Variants in KIFAP3 observed in about 807,000 individuals in gnomAD.
KIFAP3 encodes kinesin-associated protein 3.
A neutral mutation model predicts 106.5 loss-of-function variants in KIFAP3; 68 were observed. The ratio of observed to expected loss-of-function variants is 0.64; its 90% confidence interval spans 0.53 to 0.78. The LOEUF is 0.78. KIFAP3 is among the 30% of genes least tolerant of loss of function. KIFAP3 has a pLI of 0.00. For synonymous variants in KIFAP3, 320 were observed against 311.5 expected (o/e 1.03, Z -0.29); for missense variants, 780 against 941.8 (o/e 0.83, Z 2.25).
intron 1 of KIFAP3, among the ~76,000 whole-genome samples, chr1:170,081,920 T>C (rs897890857): frequency 6.6e-6 from 1 of 152,160 alleles, no homozygotes; most frequent in African/African-American, 2.4e-5. Context: ...ACCATAATGA[T>C]TAATATTAAA....
intron 18 of KIFAP3, among the ~76,000 whole-genome samples, chr1:169,959,544 A>C (rs900928575): frequency 6.6e-6 from 1 of 152,250 alleles, no homozygotes; most frequent in East Asian, 1.9e-4. Flanking sequence ...GTATCAGAAA[A>C]ATATTTAGGA....
chr1:169,945,886 C>T (rs1352972442), intron 19 of KIFAP3, among the ~76,000 whole-genome samples: 1 of 152,066 alleles, frequency 6.6e-6, no homozygotes, highest in Non-Finnish European at 1.5e-5. Context: ...AAAATCTGCC[C>T]TTAAAGGTTA....
At chr1:169,940,740 C>G (rs1429573885) in intron 19 of KIFAP3, among the ~76,000 whole-genome samples, 1 of 152,050 alleles carries the variant, frequency 6.6e-6, no homozygotes. Context: ...GAGTTGGGGA[C>G]CCCTGATTTA....
At chr1:169,947,253 A>G (rs1449457411) in intron 19 of KIFAP3, among the ~76,000 whole-genome samples, 3 of 152,000 alleles carry the variant, frequency 2.0e-5, no homozygotes, top group Non-Finnish European at 2.9e-5. Context: ...AACTGAATAC[A>G]ATTATAACAA....
intron 10 of KIFAP3, among the ~76,000 whole-genome samples, chr1:169,992,821 C>T (rs1165885349): frequency 6.6e-6 from 1 of 151,962 alleles, no homozygotes; most frequent in Non-Finnish European, 1.5e-5. Context: ...GTTTTATATG[C>T]TTTGAAACTG....
intron 19 of KIFAP3, among the ~76,000 whole-genome samples, chr1:169,937,623 G>T (rs543872578): frequency 6.6e-6 from 1 of 151,790 alleles, no homozygotes; most frequent in African/African-American, 2.4e-5. Context: ...ATCCTCTAAA[G>T]ATACTCTAAA....
chr1:169,986,667 A>G (rs1234931042), intron 11 of KIFAP3, among the ~76,000 whole-genome samples: 1 of 152,054 alleles, frequency 6.6e-6, no homozygotes, highest in Non-Finnish European at 1.5e-5. Context: ...CCAAAAATGT[A>G]GGTGACAATC....
chr1:169,988,780 T>G (rs768121371), intron 11 of KIFAP3, among the ~76,000 whole-genome samples: 3 of 152,000 alleles, frequency 2.0e-5, no homozygotes, highest in African/African-American at 7.2e-5. Flanking sequence ...TTTAAATATG[T>G]AAAATTTGGC....
chr1:170,020,867 G>A lies in KIFAP3; in HGVS notation c.1020+3551C>T, dbSNP rs144350767. 3.0e-3 allele frequency among the ~76,000 whole-genome samples: 461 copies of A among 152,126 alleles called. 16 individuals carry two copies. In the South Asian group the frequency reaches 0.058, roughly 19 times the overall value. On this transcript the variant is annotated intron_variant, in intron 9 of 19. Transcript: ENST00000361580. ...TAACTCATGTATCATATACTAAAACGACAATGACAAAAACCTCTATAAAAC... is the reference window on the plus strand; with the variant it reads ...TAACTCATGTATCATATACTAAAACAACAATGACAAAAACCTCTATAAAAC...
chr1:170,045,162 T>C (rs780602073), intron 3 of KIFAP3, among the ~76,000 whole-genome samples: 3 of 152,212 alleles, frequency 2.0e-5, no homozygotes, highest in African/African-American at 7.2e-5. Context: ...GGAGTTGACA[T>C]TGACTTTACA....
chr1:170,083,335 A>C (rs1192829638), intron 1 of KIFAP3, among the ~76,000 whole-genome samples: 1 of 152,200 alleles, frequency 6.6e-6, no homozygotes, highest in East Asian at 1.9e-4. Context: ...TTTCGTTCTC[A>C]TCTCCCAAAC....
At chr1:169,990,560 T>C (rs187494057) in intron 11 of KIFAP3, among the ~76,000 whole-genome samples, 7 of 152,278 alleles carry the variant, frequency 4.6e-5, no homozygotes, top group Non-Finnish European at 7.4e-5. Flanking sequence ...TAATGTAATA[T>C]TAAAAATCAG....
At chr1:170,019,809 A>T (rs1668715137) in intron 9 of KIFAP3, among the ~76,000 whole-genome samples, 1 of 152,192 alleles carries the variant, frequency 6.6e-6, no homozygotes, top group Non-Finnish European at 1.5e-5. Flanking sequence ...ATTCCTCCTC[A>T]ACATCATACT....
intron 1 of KIFAP3, among the ~76,000 whole-genome samples, chr1:170,057,328 G>C (rs983730309): frequency 2.6e-5 from 4 of 151,872 alleles, no homozygotes; most frequent in Admixed American, 6.6e-5. Flanking sequence ...AATTAAAAAG[G>C]AAAAAAATGA....
chr1:169,964,232 T>C (rs1665486180), intron 17 of KIFAP3, among the ~76,000 whole-genome samples: 1 of 150,318 alleles, frequency 6.7e-6, no homozygotes, highest in Non-Finnish European at 1.5e-5. Flanking sequence ...ATGTTAGCCA[T>C]TACCTTAATT....
chr1:169,984,476 A>C (rs1210451932), intron 12 of KIFAP3, 106 bp downstream of exon 12: 7 of 485,804 alleles, frequency 1.4e-5, no homozygotes, highest in African/African-American at 1.4e-4. Flanking sequence ...ATTATTTGAA[A>C]ACAGGACTTA....
intron 10 of KIFAP3, among the ~76,000 whole-genome samples, chr1:170,013,334 T>C (rs1324357897): frequency 1.3e-5 from 2 of 152,070 alleles, no homozygotes; most frequent in Admixed American, 6.6e-5. Context: ...TCTAGATATC[T>C]AGTGTTTTGG....
chr1:170,041,650 C>T, intron 3 of KIFAP3: 1 of 1,518,612 alleles, frequency 6.6e-7, no homozygotes. Context: ...TCTCTGGTGC[C>T]TCCCTTGCCA....
At chr1:169,922,693 C>G (rs1662891412) in intron 19 of KIFAP3, among the ~76,000 whole-genome samples, 1 of 152,160 alleles carries the variant, frequency 6.6e-6, no homozygotes, top group Non-Finnish European at 1.5e-5. Context: ...TCATGCATAG[C>G]TCATGCAGTG....
Sources: gnomAD v4.1 joint callset for allele counts (sites outside exome capture counted in the v4.1 genomes callset) on GRCh38, gnomAD v4.1.1 for gene constraint, MANE v1.5 for transcripts, NCBI Gene and HGNC (gene_info 2026-07-23, HGNC 2026-07-21) for gene names.